Variants in PNPLA5 observed in about 807,000 individuals in gnomAD.
PNPLA5 encodes the protein patatin-like phospholipase domain-containing protein 5.
Under a neutral mutation model 49.1 loss-of-function variants are expected in PNPLA5, and 44 were observed. The ratio of observed to expected loss-of-function variants is 0.90; its 90% CI spans 0.70 to 1.15. The LOEUF (loss-of-function observed/expected upper bound fraction) is 1.15. Among genes scored for constraint, PNPLA5 ranks in the 50% most tolerant of loss-of-function variants. The pLI is 0.00. For synonymous variants in PNPLA5, 243 were observed against 244.4 expected (o/e 0.99, Z 0.06); for missense variants, 603 against 564.0 (o/e 1.07, Z -0.70).
intron 7 of PNPLA5, among the ~76,000 whole-genome samples, chr22:43,883,368 G>T (rs140995701): frequency 0.031 from 4,709 of 152,334 alleles, 269 homozygotes; most frequent in African/African-American, 0.11. Flanking sequence ...TGCTTCCATG[G>T]CCCCCAGCCA....
At chr22:43,884,422 AGTAAGAGACT>A (rs2049641649) in intron 6 of PNPLA5, 77 bp from the exon 7 acceptor site, 1 of 1,433,316 alleles carries the variant, frequency 7.0e-7, no homozygotes, top group Admixed American at 2.6e-5. Context: ...CATTTCACAC[AGTAAGAGACT>A]GCACCCCCTC....
intron 8 of PNPLA5, 94 bp from the exon 9 acceptor site, chr22:43,880,979 G>A (rs1040740815): frequency 2.9e-5 from 36 of 1,252,982 alleles, no homozygotes; most frequent in Non-Finnish European, 3.6e-5. Flanking sequence ...GTGAACCCAG[G>A]TCACTCTTCC....
rs79250193 is a variant in PNPLA5 at position 43,880,226 on chromosome 22, G to A, written c.*569C>T. On this transcript the variant is annotated 3_prime_UTR_variant, in exon 9 of 9. Transcript: ENST00000216177. ...CACAGCTGGGATCCTGAAAAGACCT[G>A]GACCCCCCTCTCCTCCTCCTCCTGC... 0.13 allele frequency: 52,637 copies of A among 394,470 alleles called. 5,295 individuals are homozygous for A. Among genetic ancestry groups the A allele is most frequent in the East Asian group, 0.46 (12,665 of 27,778 alleles). The allele number at this position is 394,470 out of a possible 1,614,324, so 24.4% of individuals were successfully genotyped here.
At chr22:43,881,939 A>G (rs1317235870) in intron 7 of PNPLA5, among the ~76,000 whole-genome samples, 2 of 152,226 alleles carry the variant, frequency 1.3e-5, no homozygotes, top group African/African-American at 4.8e-5. Flanking sequence ...AGAGGAAACA[A>G]GTAGGAAGCG....
chr22:43,882,976 G>A (rs140629353), intron 7 of PNPLA5, among the ~76,000 whole-genome samples: 254 of 152,304 alleles, frequency 1.7e-3, no homozygotes, highest in Middle Eastern at 3.4e-3. Flanking sequence ...AGCTCAGTGC[G>A]TCTGCCCCAC....
At chr22:43,884,788 C>T (rs1396634873) in intron 6 of PNPLA5, among the ~76,000 whole-genome samples, 1 of 152,190 alleles carries the variant, frequency 6.6e-6, no homozygotes, top group Non-Finnish European at 1.5e-5. Flanking sequence ...CCGCAGCAAC[C>T]ATTTCCTGGG....
intron 2 of PNPLA5, among the ~76,000 whole-genome samples, chr22:43,890,449 G>T (rs567509064): frequency 6.6e-6 from 1 of 152,356 alleles, no homozygotes; most frequent in South Asian, 2.1e-4. Flanking sequence ...TTGTCACACT[G>T]TGTGCCTGCA....
At position 43,879,974 on chromosome 22, in the gene PNPLA5, C is replaced by T. The variant is rs1271631104; in HGVS notation, c.*821G>A. 6.4e-6 allele frequency: 1 copy of T among 157,056 alleles called. No homozygotes were observed. The highest frequency in any genetic ancestry group is 6.5e-5 in the Admixed American group (1 of 15,404). The allele number at this position is 157,056 out of a possible 1,614,324, so 9.7% of individuals were successfully genotyped here. A position where few individuals can be genotyped will look rare whatever the true frequency, so the allele number is the denominator to read the frequency against. On this transcript the variant is annotated 3_prime_UTR_variant, in exon 9 of 9. Coordinates refer to ENST00000216177, the MANE Select transcript of PNPLA5 (RefSeq NM_138814.4). ...CGTTCTCACTCACGCCTCCATCTCT[C>T]TAACCTCCCCATCTCCACTGAGGCT...
intron 7 of PNPLA5, 48 bp downstream of exon 7, chr22:43,884,165 T>C: frequency 1.4e-6 from 2 of 1,436,202 alleles, no homozygotes; most frequent in Non-Finnish European, 1.8e-6. Flanking sequence ...TGGGCACCAG[T>C]CTCCGCCACA....
intron 7 of PNPLA5, 101 bp downstream of exon 7, chr22:43,884,112 G>A (rs1057217463): frequency 3.0e-5 from 11 of 369,468 alleles, no homozygotes; most frequent in South Asian, 5.6e-5. Context: ...CCCCCACCCC[G>A]CCGAGCCCTA....
At position 43,891,674 on chromosome 22, in the gene PNPLA5, G is replaced by A; in HGVS notation, c.193+14C>T. 1 of 1,528,866 alleles carries A rather than the reference G, an allele frequency of 6.5e-7. No homozygotes were observed. The highest frequency in any genetic ancestry group is 8.8e-7 in the Non-Finnish European group (1 of 1,140,584). The allele number at this position is 1,528,866 out of a possible 1,614,324, so 94.7% of individuals were successfully genotyped here. ...TGTCCCCGCCCCTTTTCGCCCCCGCGGTCCGGGACTCACCGACCGACTTGC... is the reference window on the plus strand; with the variant it reads ...TGTCCCCGCCCCTTTTCGCCCCCGCAGTCCGGGACTCACCGACCGACTTGC... On this transcript the variant is annotated intron_variant, in intron 1 of 8. Coordinates refer to ENST00000216177, the MANE Select transcript of PNPLA5 (RefSeq NM_138814.4).
chr22:43,888,510 C>T (rs867347897), intron 4 of PNPLA5, among the ~76,000 whole-genome samples: 36 of 145,898 alleles, frequency 2.5e-4, no homozygotes, highest in Admixed American at 7.6e-4. Context: ...TCTCGGCTCA[C>T]TGCAATCTCC....
rs2049639315 is a variant in PNPLA5 at position 43,884,260 on chromosome 22, C to T, written c.1035G>A (p.Leu345=). The T allele has an allele frequency of 6.3e-7, 1 of 1,597,736 alleles. No individual in the cohort carries two copies. The highest frequency in any genetic ancestry group is 1.1e-5 in the South Asian group (1 of 89,142). The change falls in exon 7 of 9, where the codon CTG becomes CTA. Residue 345 remains leucine (L), a synonymous_variant. Coordinates refer to ENST00000216177, the MANE Select transcript of PNPLA5 (RefSeq NM_138814.4). ...ACTCGAAGGGCAGTGTGCAGGGTAG[C>T]AGCAGGTACGTCAGCACCTGTCCAG... ...SGPGQVLTYL[L]LPCTLPFEYI...
Position 43,881,637 on chromosome 22 carries a change from A to G in PNPLA5, c.1120T>C (p.Trp374Arg). 6.2e-7 allele frequency: 1 copy of G among 1,613,654 alleles called. No homozygotes were observed. The highest frequency in any genetic ancestry group is 8.5e-7 in the Non-Finnish European group (1 of 1,179,874). ...TTCCTCAGCAGGCCCTGCATCCACC[A>G]CAAGTCCGCCGGCACATCGGGCAGC... is the stretch of plus-strand genomic sequence containing the variant. ...VWLPDVPADL[W>R]WMQGLLRNMA... The change falls in exon 8 of 9, where the codon TGG becomes CGG. Residue 374 changes from tryptophan (W) to arginine (R), a missense_variant. Coordinates refer to ENST00000216177, the MANE Select transcript of PNPLA5 (RefSeq NM_138814.4).
At position 43,880,754 on chromosome 22, in the gene PNPLA5, TC is replaced by T; in HGVS notation, c.*40del. The T allele has an allele frequency of 7.7e-7, 1 of 1,298,608 alleles. No individual in the cohort carries two copies. 80.4% of individuals were successfully genotyped at this position (1,298,608 alleles called of 1,614,324 possible). On this transcript the variant is annotated 3_prime_UTR_variant, in exon 9 of 9. Coordinates refer to ENST00000216177, the MANE Select transcript of PNPLA5 (RefSeq NM_138814.4). ...CACAGGACAAAGGCCAGAGCAGGAA[TC>T]AAGGGACACCAGTCACTGGGCTGGC...
intron 5 of PNPLA5, among the ~76,000 whole-genome samples, chr22:43,887,297 A>G (rs541349864): frequency 3.9e-5 from 6 of 152,144 alleles, no homozygotes; most frequent in Admixed American, 6.5e-5. Flanking sequence ...GCTGAGTCCA[A>G]TGCCTCCTCT....
intron 1 of PNPLA5, 132 bp from the exon 2 acceptor site, chr22:43,891,426 C>T: frequency 7.1e-7 from 1 of 1,408,190 alleles, no homozygotes; most frequent in Non-Finnish European, 9.2e-7. Context: ...CTGGGCTCGG[C>T]CCCGGATTCA....
In PNPLA5 at chr22:43,887,803, C is replaced by A. The variant is rs897045198; in HGVS notation, c.703-152G>T. The A allele has an allele frequency of 3.6e-5, 39 of 1,098,278 alleles. No individual in the cohort carries two copies. The African/African-American group carries it at 7.8e-4, about 22-fold the overall frequency. The allele number at this position is 1,098,278 out of a possible 1,614,324, so 68.0% of individuals were successfully genotyped here. A position where few individuals can be genotyped will look rare whatever the true frequency, so the allele number is the denominator to read the frequency against. On this transcript the variant is annotated intron_variant, in intron 4 of 8. Coordinates refer to ENST00000216177, the MANE Select transcript of PNPLA5 (RefSeq NM_138814.4). ...CATTCAACAGGGCTCAGGGCAGGAGCCTGGGCAGGACCTTAGCACTGGGCA... is the reference window on the plus strand; with the variant it reads ...CATTCAACAGGGCTCAGGGCAGGAGACTGGGCAGGACCTTAGCACTGGGCA...
chr22:43,886,648 T>C, intron 5 of PNPLA5, 160 bp from the exon 6 acceptor site: 1 of 977,332 alleles, frequency 1.0e-6, no homozygotes, highest in Non-Finnish European at 1.2e-6. Flanking sequence ...TGCCTTCCCC[T>C]GGCCCTGCTC....
Sources: allele counts gnomAD v4.1 joint callset (sites outside exome capture counted in the v4.1 genomes callset), GRCh38; gene constraint gnomAD v4.1.1; transcripts MANE v1.5; gene names NCBI Gene and HGNC (gene_info 2026-07-23, HGNC 2026-07-21).